Variants in RPTOR observed in about 807,000 individuals in gnomAD.
The protein encoded by RPTOR is regulatory-associated protein of mTOR.
RPTOR carries 21 observed loss-of-function variants against 169.9 expected under a neutral mutation model. That is an observed-to-expected ratio of 0.12 (90% CI 0.09 to 0.18). RPTOR has a LOEUF of 0.18. Ranked by LOEUF, RPTOR falls within the 10% of genes least tolerant of loss-of-function variation. The pLI is 1.00. For synonymous variants in RPTOR, 732 were observed against 753.2 expected (o/e 0.97, Z 0.46); for missense variants, 1,133 against 1,855.9 (o/e 0.61, Z 7.16).
At chr17:80,877,041 G>A (rs1407902577) in intron 13 of RPTOR, among the ~76,000 whole-genome samples, 2 of 126,680 alleles carry the variant, frequency 1.6e-5, no homozygotes, top group African/African-American at 6.0e-5. Context: ...AGCCCGTGCC[G>A]CCCAGGATGT....
chr17:80,867,921 A>T (rs577098833), intron 13 of RPTOR, among the ~76,000 whole-genome samples: 4 of 152,354 alleles, frequency 2.6e-5, no homozygotes, highest in East Asian at 1.9e-4. Flanking sequence ...TCTGAGATCC[A>T]CATGGAAATA....
At chr17:80,549,434 C>G (rs1436361801) in intron 1 of RPTOR, among the ~76,000 whole-genome samples, 1 of 152,130 alleles carries the variant, frequency 6.6e-6, no homozygotes, top group Admixed American at 6.5e-5. Flanking sequence ...CGCAGCCTCC[C>G]GAGTAGCTGG....
rs184111952 is a variant in RPTOR at position 80,959,267 on chromosome 17, C to T, written c.3478-811C>T. 2.6e-5 allele frequency among the ~76,000 whole-genome samples: 4 copies of T among 152,320 alleles called. No individual in the cohort carries two copies. The highest frequency in any genetic ancestry group is 3.9e-4 in the East Asian group (2 of 5,178). On this transcript the variant is annotated intron_variant, in intron 29 of 33. Coordinates refer to ENST00000306801, the MANE Select transcript of RPTOR (RefSeq NM_020761.3). The surrounding 1 kb of genome is among the most constrained non-coding windows in gnomAD (Gnocchi z 6.7). ...TCTGGAGCTGTGGCTCCACACGAGA[C>T]GTAGCCCTCAGGGCACAGCGTGGAC... is the stretch of plus-strand genomic sequence containing the variant.
intron 6 of RPTOR, among the ~76,000 whole-genome samples, chr17:80,767,424 A>G (rs1293525448): frequency 2.0e-5 from 3 of 152,240 alleles, no homozygotes; most frequent in African/African-American, 2.4e-5. Flanking sequence ...CATTTTAATC[A>G]TGAAGGACCA....
At chr17:80,627,675 T>C (rs2065406472) in intron 2 of RPTOR, among the ~76,000 whole-genome samples, 1 of 152,220 alleles carries the variant, frequency 6.6e-6, no homozygotes, top group South Asian at 2.1e-4. Context: ...TCCCTCACAA[T>C]TTGTTTATCC....
At chr17:80,585,248 A>G (rs2065050343) in intron 1 of RPTOR, among the ~76,000 whole-genome samples, 1 of 148,276 alleles carries the variant, frequency 6.7e-6, no homozygotes, top group Admixed American at 6.8e-5. Context: ...TCTGTCGCCC[A>G]GGTTGGAGTG....
At chr17:80,905,212 G>T (rs1356047672) in intron 20 of RPTOR, among the ~76,000 whole-genome samples, 1 of 151,694 alleles carries the variant, frequency 6.6e-6, no homozygotes, top group Non-Finnish European at 1.5e-5. Flanking sequence ...TTTTTGTTTT[G>T]TTTTCAAATA....
At chr17:80,935,813 GTCT>G (rs2068948812) in intron 24 of RPTOR, among the ~76,000 whole-genome samples, 2 of 152,114 alleles carry the variant, frequency 1.3e-5, no homozygotes, top group African/African-American at 2.4e-5. Flanking sequence ...GTTAGGCAAT[GTCT>G]TCTTTAATAA....
At chr17:80,799,639 G>A (rs1026350701) in intron 7 of RPTOR, among the ~76,000 whole-genome samples, 3 of 152,264 alleles carry the variant, frequency 2.0e-5, no homozygotes, top group African/African-American at 4.8e-5. Context: ...CTGTGTTCTC[G>A]GGCTTTTTGT....
rs1021899057 is a variant in RPTOR at position 80,726,027 on chromosome 17, T to C, written c.508-4533T>C. ...GTGGCTGGGTGGTGCTGCGGAAGAT[T>C]GTGTGGTGCACAGGGCAGCCCCACA... On this transcript the variant is annotated intron_variant, in intron 4 of 33. Coordinates refer to ENST00000306801, the MANE Select transcript of RPTOR (RefSeq NM_020761.3). This position sits in a 1 kb window ranked among gnomAD's most constrained non-coding sequence, Gnocchi z 4.5. 6.6e-6 allele frequency among the ~76,000 whole-genome samples: 1 copy of C among 152,064 alleles called. No homozygotes were observed. Among genetic ancestry groups the C allele is most frequent in the African/African-American group, 2.4e-5 (1 of 41,396 alleles).
intron 3 of RPTOR, among the ~76,000 whole-genome samples, chr17:80,701,393 A>G (rs1182951268): frequency 1.3e-5 from 2 of 152,066 alleles, no homozygotes; most frequent in East Asian, 1.9e-4. Context: ...GTTTCTCTGT[A>G]TTTTACTTGT....
chr17:80,880,392 C>T (rs2068173208), intron 13 of RPTOR, 23 bp from the exon 14 acceptor site: 1 of 1,611,282 alleles, frequency 6.2e-7, no homozygotes. Context: ...CTCACTGCCT[C>T]TCCTCTGTCT....
chr17:80,671,400 C>G (rs898595036), intron 3 of RPTOR, among the ~76,000 whole-genome samples: 1 of 152,186 alleles, frequency 6.6e-6, no homozygotes, highest in African/African-American at 2.4e-5. Flanking sequence ...TTTCCTCTTG[C>G]CAGAACACTC....
Position 80,883,933 on chromosome 17 carries a change from T to C in RPTOR, c.1803T>C (p.His601=), listed in dbSNP as rs2068213166. The change falls in exon 16 of 34, where the codon CAT becomes CAC. Residue 601 remains histidine (H), a synonymous_variant. Coordinates refer to ENST00000306801, the MANE Select transcript of RPTOR (RefSeq NM_020761.3). ...GGTGCGGCGTGAGGGACAGCGCTCA[T>C]GAGAAGCTCTACAGCCTCCTCTCCG... The part of the protein sequence containing the change: ...ARWCGVRDSA[H]EKLYSLLSDP... 6.2e-7 allele frequency: 1 copy of C among 1,613,338 alleles called. No homozygotes were observed. The highest frequency in any genetic ancestry group is 8.5e-7 in the Non-Finnish European group (1 of 1,179,982).
chr17:80,665,993 G>A (rs530534890), intron 3 of RPTOR, among the ~76,000 whole-genome samples: 24 of 152,260 alleles, frequency 1.6e-4, no homozygotes, highest in South Asian at 1.0e-3. Flanking sequence ...TGTATCCTGC[G>A]TCTGTTGTGA....
chr17:80,558,282 C>CAG (rs577059530), intron 1 of RPTOR, among the ~76,000 whole-genome samples: 302 of 152,266 alleles, frequency 2.0e-3, no homozygotes, highest in Non-Finnish European at 3.5e-3. Context: ...GACTGGGTGA[C>CAG]AGAGCTAGAC....
chr17:80,732,507 G>GA lies in RPTOR; in HGVS notation c.654+1810dup, dbSNP rs1052895199. On this transcript the variant is annotated intron_variant, in intron 5 of 33. Coordinates refer to ENST00000306801, the MANE Select transcript of RPTOR (RefSeq NM_020761.3). ...AAAGATTCCCATGCATCTTTTTTAG[G>GA]AAAAAAAAATGTTTGACTCATTCCA... 8.0e-5 allele frequency among the ~76,000 whole-genome samples: 12 copies of GA among 150,436 alleles called. No homozygotes were observed. In the South Asian group the frequency reaches 8.4e-4, roughly 11 times the overall value.
At chr17:80,613,128 C>T (rs966635541) in intron 1 of RPTOR, among the ~76,000 whole-genome samples, 4 of 152,118 alleles carry the variant, frequency 2.6e-5, no homozygotes, top group South Asian at 2.1e-4. Context: ...GTCCGAGAGT[C>T]CTGCTGGCTC....
At chr17:80,810,199 G>A (rs1205858586) in intron 7 of RPTOR, among the ~76,000 whole-genome samples, 1 of 151,888 alleles carries the variant, frequency 6.6e-6, no homozygotes, top group East Asian at 1.9e-4. Context: ...AGAAATCTTT[G>A]CCAACCCTCG....
Sources: allele counts gnomAD v4.1 joint callset (sites outside exome capture counted in the v4.1 genomes callset), GRCh38; gene constraint gnomAD v4.1.1; non-coding constraint Gnocchi (gnomAD v3.1); transcripts MANE v1.5; gene names NCBI Gene and HGNC (gene_info 2026-07-23, HGNC 2026-07-21).